The following GRID1 variants were observed in gnomAD, a reference collection of about 807,000 sequenced individuals.
GRID1 encodes glutamate ionotropic receptor delta type subunit 1.
A neutral mutation model predicts 98.0 loss-of-function variants in GRID1; 28 were observed. The observed-to-expected ratio is 0.29, with a 90% CI of 0.21 to 0.39. The LOEUF (loss-of-function observed/expected upper bound fraction) is 0.39. Ranked by LOEUF, GRID1 falls within the 10% of genes least tolerant of loss-of-function variation. The pLI, the probability that GRID1 is intolerant of heterozygous loss-of-function variation, is 1.00. For missense variants in GRID1, 1,111 were observed against 1,340.5 expected, an observed-to-expected ratio of 0.83 and a Z score of 2.67; for synonymous variants, 553 against 538.5, an observed-to-expected ratio of 1.03 and a Z score of -0.37.
At chr10:86,105,252 A>G (rs7082134) in intron 4 of GRID1, among the ~76,000 whole-genome samples, 80,415 of 152,036 alleles carry the variant, frequency 0.53, 23,694 homozygotes, top group East Asian at 0.71. Context: ...AGTCTGCCCA[A>G]GAAGACAGTG....
chr10:85,979,475 A>G (rs1257949835), intron 4 of GRID1, among the ~76,000 whole-genome samples: 2 of 152,080 alleles, frequency 1.3e-5, no homozygotes, highest in Admixed American at 1.3e-4. Flanking sequence ...TCCCCTGAGG[A>G]CCAGGAAGGA....
At chr10:86,239,092 C>T (rs1846585656) in intron 2 of GRID1, among the ~76,000 whole-genome samples, 1 of 152,250 alleles carries the variant, frequency 6.6e-6, no homozygotes, top group Admixed American at 6.5e-5. Flanking sequence ...GCTGTAGAGG[C>T]TGAGCCCTGC....
intron 4 of GRID1, among the ~76,000 whole-genome samples, chr10:85,922,900 C>G (rs1841724624): frequency 6.6e-6 from 1 of 152,084 alleles, no homozygotes; most frequent in Non-Finnish European, 1.5e-5. Flanking sequence ...TGGGGGCCTG[C>G]CTGCTTGGAA....
At chr10:85,825,409 T>C (rs887401369) in intron 8 of GRID1, among the ~76,000 whole-genome samples, 59 of 152,270 alleles carry the variant, frequency 3.9e-4, no homozygotes, top group Non-Finnish European at 2.2e-4. Context: ...CTGATTTATT[T>C]GAGCTTCTTG....
At chr10:85,749,048 TC>T (rs1842023183) in intron 8 of GRID1, among the ~76,000 whole-genome samples, 1 of 152,084 alleles carries the variant, frequency 6.6e-6, no homozygotes, top group Non-Finnish European at 1.5e-5. Flanking sequence ...ACCTCCCAAA[TC>T]CCAGCCACCA....
At chr10:86,109,894 C>T (rs7088100) in intron 4 of GRID1, among the ~76,000 whole-genome samples, 79,878 of 151,720 alleles carry the variant, frequency 0.53, 23,492 homozygotes, top group East Asian at 0.71. Context: ...TACAGCACTC[C>T]TCATAGGTAA....
intron 2 of GRID1, among the ~76,000 whole-genome samples, chr10:86,227,823 A>G (rs967312369): frequency 6.6e-6 from 1 of 152,178 alleles, no homozygotes; most frequent in Non-Finnish European, 1.5e-5. Flanking sequence ...ACTGTGAGCC[A>G]CTGCAGGACC....
At chr10:85,791,315 G>A (rs1418685179) in intron 8 of GRID1, among the ~76,000 whole-genome samples, 4 of 152,232 alleles carry the variant, frequency 2.6e-5, no homozygotes, top group Non-Finnish European at 4.4e-5. Flanking sequence ...CCTGAAGGCA[G>A]AGGCCAAAAC....
rs573850916 is a variant in GRID1 at position 86,257,160 on chromosome 10, G to A, written c.236-50512C>T. ...AGAGTCAACAACCTTAGGCTTTGAC[G>A]CAGAGTTGGATTTCAATGAGGTATT... On this transcript the variant is annotated intron_variant, in intron 2 of 15. Transcript: ENST00000327946. 1.5e-3 allele frequency among the ~76,000 whole-genome samples: 234 copies of A among 152,298 alleles called. 1 individual carries two copies. The highest frequency in any genetic ancestry group is 5.3e-3 in the African/African-American group (220 of 41,556).
At chr10:86,253,733 G>A (rs1223862227) in intron 2 of GRID1, among the ~76,000 whole-genome samples, 1 of 152,176 alleles carries the variant, frequency 6.6e-6, no homozygotes, top group Non-Finnish European at 1.5e-5. Flanking sequence ...AGCCTCAGTG[G>A]GAAATAGGCC....
At chr10:85,895,022 T>A (rs867017005) in intron 5 of GRID1, among the ~76,000 whole-genome samples, 1,467 of 136,238 alleles carry the variant, frequency 0.011, 29 homozygotes, top group African/African-American at 0.036. Flanking sequence ...AAAAAATATA[T>A]ATATATATAT....
At chr10:86,237,719 A>T (rs1020684231) in intron 2 of GRID1, among the ~76,000 whole-genome samples, 6 of 149,458 alleles carry the variant, frequency 4.0e-5, no homozygotes, top group African/African-American at 1.5e-4. Context: ...AAAAAAAAGC[A>T]TGTAGCACCT....
chr10:85,975,173 T>A (rs1842455832), intron 4 of GRID1, among the ~76,000 whole-genome samples: 1 of 152,268 alleles, frequency 6.6e-6, no homozygotes, highest in Non-Finnish European at 1.5e-5. Flanking sequence ...AAACGTTCTC[T>A]GTCTCCATTA....
chr10:86,352,865 C>A (rs1186160967), intron 2 of GRID1, among the ~76,000 whole-genome samples: 2 of 152,158 alleles, frequency 1.3e-5, no homozygotes, highest in Non-Finnish European at 2.9e-5. Flanking sequence ...CAGACTGGCT[C>A]CCTCTCATCC....
At chr10:85,940,623 A>C (rs1841987197) in intron 4 of GRID1, among the ~76,000 whole-genome samples, 1 of 152,206 alleles carries the variant, frequency 6.6e-6, no homozygotes, top group Non-Finnish European at 1.5e-5. Context: ...CTCCCAACCA[A>C]AACCCAGTTA....
chr10:85,660,153 G>A (rs1033358575), intron 12 of GRID1, among the ~76,000 whole-genome samples: 2 of 152,254 alleles, frequency 1.3e-5, no homozygotes, highest in Non-Finnish European at 2.9e-5. Context: ...TCTCTGGCCA[G>A]TGACAGAGAC....
chr10:85,739,428 T>TA (rs1228508628), intron 8 of GRID1, among the ~76,000 whole-genome samples: 1 of 150,656 alleles, frequency 6.6e-6, no homozygotes, highest in Non-Finnish European at 1.5e-5. Context: ...AATAAACAAA[T>TA]AAAAAAAACA....
chr10:85,690,913 T>C (rs926299622), intron 12 of GRID1, among the ~76,000 whole-genome samples: 1 of 152,120 alleles, frequency 6.6e-6, no homozygotes. Context: ...AGTCTTGGAA[T>C]AGTTTTCTAA....
At chr10:86,183,197 T>A (rs768837207) in intron 3 of GRID1, among the ~76,000 whole-genome samples, 9 of 152,200 alleles carry the variant, frequency 5.9e-5, no homozygotes, top group Non-Finnish European at 1.3e-4. Context: ...TAGTTTTGTA[T>A]AAATGTAATC....
Sources: allele counts gnomAD v4.1 joint callset (sites outside exome capture counted in the v4.1 genomes callset), GRCh38; gene constraint gnomAD v4.1.1; transcripts MANE v1.5; gene names NCBI Gene and HGNC (gene_info 2026-07-23, HGNC 2026-07-21).